KIR2DL1: variants seen among roughly 807,000 people sequenced by gnomAD.
KIR2DL1 encodes the protein killer cell immunoglobulin-like receptor 2DL1.
A neutral mutation model predicts 33.9 loss-of-function variants in KIR2DL1; 38 were observed. The ratio of observed to expected loss-of-function variants is 1.12; its 90% CI spans 0.86 to 1.47. The LOEUF (loss-of-function observed/expected upper bound fraction) is 1.47. Ranked by LOEUF, KIR2DL1 falls within the 40% of genes most tolerant of loss-of-function variation. The pLI is 0.00. For synonymous variants in KIR2DL1, 179 were observed against 165.9 expected (o/e 1.08, Z -0.61); for missense variants, 531 against 433.9 (o/e 1.22, Z -1.99).
Position 54,773,669 on chromosome 19 carries a change from G to A in KIR2DL1, c.370+37G>A, listed in dbSNP as rs751184962. ...CAGACTTTCTTCTCATTGTCATTGGGATGCAGAGTGAATGATCCAGGAATT... is the reference window on the plus strand; with the variant it reads ...CAGACTTTCTTCTCATTGTCATTGGAATGCAGAGTGAATGATCCAGGAATT... On this transcript the variant is annotated intron_variant, in intron 3 of 7. Transcript: ENST00000336077. 4 of 1,535,604 alleles carry A rather than the reference G, an allele frequency of 2.6e-6. No homozygotes were observed. The East Asian group carries it at 6.9e-5, about 27-fold the overall frequency.
At chr19:54,776,634 C>CTTTTTTTTTTTTTTTT (rs113294942) in intron 4 of KIR2DL1, among the ~76,000 whole-genome samples, 2 of 128,314 alleles carry the variant, frequency 1.6e-5, no homozygotes, top group Non-Finnish European at 1.7e-5. Flanking sequence ...TGAAAGTTCT[C>CTTTTTTTTTTTTTTTT]TTTTTTTTTT....
At chr19:54,779,412 G>A (rs1412779303) in intron 5 of KIR2DL1, among the ~76,000 whole-genome samples, 1 of 147,676 alleles carries the variant, frequency 6.8e-6, no homozygotes, top group African/African-American at 2.5e-5. Flanking sequence ...CTTGGCTCCT[G>A]GTCCCCTTCC....
At chr19:54,777,769 C>T (rs2076515869) in intron 4 of KIR2DL1, among the ~76,000 whole-genome samples, 1 of 147,576 alleles carries the variant, frequency 6.8e-6, no homozygotes, top group Non-Finnish European at 1.5e-5. Flanking sequence ...GGAGCATTTC[C>T]CCAATATTTT....
chr19:54,779,741 C>T (rs1463681208), intron 5 of KIR2DL1, among the ~76,000 whole-genome samples: 2 of 149,424 alleles, frequency 1.3e-5, no homozygotes, highest in Admixed American at 1.4e-4. Context: ...ACAGCATTCT[C>T]CTGCCTTCCA....
rs2075980158 is a variant in KIR2DL1, at chr19:54,773,417, A to T, written c.155A>T (p.Asp52Val). ...EETVILQCWS[D>V]VMFEHFLLHR... is the part of the protein sequence containing the mutation. ...ACAGTCATCCTGCAGTGTTGGTCAG[A>T]TGTCATGTTTGAACACTTCCTTCTG... Residue 52 changes from aspartate (D) to valine (V), a missense_variant, in exon 3 of 8, where the codon GAT (aspartate) becomes GTT (valine). By Grantham distance (152) the Asp-to-Val change is radical. Transcript: ENST00000336077. 1.8e-5 allele frequency: 28 copies of T among 1,593,090 alleles called. No individual in the cohort carries two copies. The highest frequency in any genetic ancestry group is 2.4e-5 in the Non-Finnish European group (28 of 1,164,652).
chr19:54,776,831 G>A (rs796524373), intron 4 of KIR2DL1, among the ~76,000 whole-genome samples: 36 of 146,416 alleles, frequency 2.5e-4, no homozygotes, highest in African/African-American at 8.3e-4. Context: ...TAGTATAGAT[G>A]CGGTTTCCCC....
chr19:54,772,185 T>A (rs1286909174), intron 2 of KIR2DL1, among the ~76,000 whole-genome samples: 9 of 147,496 alleles, frequency 6.1e-5, no homozygotes, highest in African/African-American at 2.2e-4. Flanking sequence ...CAGCCTGGAC[T>A]GTCCTGATGG....
In KIR2DL1 at chr19:54,775,564, G is replaced by T. The variant is rs1194136316; in HGVS notation, c.664+106G>T. 3.7e-6 allele frequency: 5 copies of T among 1,354,950 alleles called. 2 individuals carry two copies. The Admixed American group carries it at 6.2e-5, about 17-fold the overall frequency. 83.9% of individuals were successfully genotyped at this position (1,354,950 alleles called of 1,614,324 possible). On this transcript the variant is annotated intron_variant, in intron 4 of 7. Transcript: ENST00000336077. Reference sequence around the variant, plus strand: ...GCATGGACAGATGCAGAGAGAAGACGCAGCCTCGGTGTGAGGGAGGGATCA... The same window carrying T: ...GCATGGACAGATGCAGAGAGAAGACTCAGCCTCGGTGTGAGGGAGGGATCA...
intron 3 of KIR2DL1, 22 bp from the exon 4 acceptor site, chr19:54,775,142 GA>G: frequency 6.4e-7 from 1 of 1,557,342 alleles, no homozygotes; most frequent in Non-Finnish European, 8.7e-7. Flanking sequence ...CCTCCCTGAG[GA>G]AACTGCCTCT....
intron 5 of KIR2DL1, among the ~76,000 whole-genome samples, chr19:54,781,817 G>C (rs1347862434): frequency 6.6e-6 from 1 of 152,048 alleles, no homozygotes; most frequent in Non-Finnish European, 1.5e-5. Flanking sequence ...TTTCCTTGGA[G>C]AATGCAAGTT....
chr19:54,774,105 G>C (rs1287288395), intron 3 of KIR2DL1, among the ~76,000 whole-genome samples: 1 of 148,746 alleles, frequency 6.7e-6, no homozygotes, highest in Non-Finnish European at 1.5e-5. Flanking sequence ...CCATGTAATG[G>C]AGAGTAATCG....
intron 4 of KIR2DL1, 29 bp downstream of exon 4, chr19:54,775,487 C>T: frequency 6.4e-7 from 1 of 1,563,702 alleles, no homozygotes; most frequent in Non-Finnish European, 8.8e-7. Context: ...TGTCCCATGT[C>T]CTATGATCCT....
intron 4 of KIR2DL1, among the ~76,000 whole-genome samples, chr19:54,778,227 C>A (rs1234166157): frequency 6.7e-6 from 1 of 148,992 alleles, no homozygotes. Flanking sequence ...CCTCTGCACT[C>A]CAGCCTGAGT....
rs754027928 is a variant in KIR2DL1, at chr19:54,773,444, A to G, written c.182A>G (p.His61Arg). The change falls in exon 3 of 8, where the codon CAC becomes CGC. Residue 61 changes from histidine to arginine, a missense_variant. His to Arg is a conservative substitution (Grantham distance 29). Coordinates refer to ENST00000336077, the MANE Select transcript of KIR2DL1 (RefSeq NM_014218.3). ...GTCATGTTTGAACACTTCCTTCTGCACAGAGAGGGGATGTTTAACGACACT... is the reference window on the plus strand; with the variant it reads ...GTCATGTTTGAACACTTCCTTCTGCGCAGAGAGGGGATGTTTAACGACACT... ...SDVMFEHFLLHREGMFNDTLR... is the reference protein window; with the variant it reads ...SDVMFEHFLLRREGMFNDTLR... 3 of 1,589,730 alleles carry G rather than the reference A, an allele frequency of 1.9e-6. No homozygotes were observed. The South Asian group carries it at 3.3e-5, about 18-fold the overall frequency.
At chr19:54,773,658 A>G (rs1439755466) in intron 3 of KIR2DL1, 26 bp downstream of exon 3, 22 of 1,550,114 alleles carry the variant, frequency 1.4e-5, no homozygotes, top group Non-Finnish European at 1.9e-5. Context: ...CTTTCTTCTC[A>G]TTGTCATTGG....
chr19:54,773,027 T>A (rs2075930011), intron 2 of KIR2DL1, among the ~76,000 whole-genome samples: 1 of 148,264 alleles, frequency 6.7e-6, no homozygotes, highest in Non-Finnish European at 1.5e-5. Context: ...CTATCCTGGT[T>A]CCTCTTCCAC....
intron 5 of KIR2DL1, among the ~76,000 whole-genome samples, chr19:54,782,475 G>A (rs1351440974): frequency 2.0e-5 from 3 of 152,002 alleles, no homozygotes; most frequent in Admixed American, 2.0e-4. Context: ...AGAGACCACA[G>A]AGATCACACG....
Position 54,773,453 on chromosome 19 carries a change from G to C in KIR2DL1, c.191G>C (p.Gly64Ala), listed in dbSNP as rs779325970. The C allele has an allele frequency of 1.3e-6, 2 of 1,588,284 alleles. No homozygotes were observed. Among genetic ancestry groups the C allele is most frequent in the African/African-American group, 2.7e-5 (2 of 73,886 alleles). The change falls in exon 3 of 8, where the codon GGG becomes GCG. Residue 64 changes from glycine (G) to alanine (A), a missense_variant. Gly to Ala is a moderately conservative substitution (Grantham distance 60). Transcript: ENST00000336077. ...MFEHFLLHRE[G>A]MFNDTLRLIG... ...GAACACTTCCTTCTGCACAGAGAGG[G>C]GATGTTTAACGACACTTTGCGCCTC...
rs113294942 is a variant in KIR2DL1 at position 54,776,634 on chromosome 19, C to CTT, written c.664+1191_664+1192dup. On this transcript the variant is annotated intron_variant, in intron 4 of 7. Coordinates refer to ENST00000336077, the MANE Select transcript of KIR2DL1 (RefSeq NM_014218.3). Reference sequence around the variant, plus strand: ...AATTGCTGGATACTATGAAAGTTCTCTTTTTTTTTTTTTTTTCTTTTTTGA... The same window carrying CTT: ...AATTGCTGGATACTATGAAAGTTCTCTTTTTTTTTTTTTTTTTTCTTTTTTGA... Among the ~76,000 whole-genome samples the CTT allele has an allele frequency of 1.8e-3, 228 of 128,376 alleles. 5 individuals are homozygous for CTT. The highest frequency in any genetic ancestry group is 4.9e-3 in the East Asian group (23 of 4,708). The allele number at this position is 128,376 out of a possible 152,430, so 84.2% of individuals were successfully genotyped here. A position where few individuals can be genotyped will look rare whatever the true frequency, so the allele number is the denominator to read the frequency against.
Sources: gnomAD v4.1 joint callset for allele counts (sites outside exome capture counted in the v4.1 genomes callset) on GRCh38, gnomAD v4.1.1 for gene constraint, MANE v1.5 for transcripts, NCBI Gene and HGNC (gene_info 2026-07-23, HGNC 2026-07-21) for gene names.